The following CSMD1 variants were observed in gnomAD, a reference collection of about 807,000 sequenced individuals.
CSMD1 encodes the protein CUB and Sushi multiple domains 1.
In CSMD1, 213 loss-of-function variants were observed where a neutral mutation model predicts 417.5. That is an observed-to-expected ratio of 0.51 (90% confidence interval 0.46 to 0.57). CSMD1 has a LOEUF of 0.57. CSMD1 is among the 20% of genes least tolerant of loss of function. The pLI, the probability that CSMD1 is intolerant of heterozygous loss-of-function variation, is 0.00. For synonymous variants in CSMD1, 2,862 were observed against 1,736.8 expected, an observed-to-expected ratio of 1.65 and a Z score of -16.11; for missense variants, 6,923 against 4,529.7, an observed-to-expected ratio of 1.53 and a Z score of -15.17.
At chr8:3,160,711 G>A (rs982252067) in intron 38 of CSMD1, among the ~76,000 whole-genome samples, 4 of 152,338 alleles carry the variant, frequency 2.6e-5, no homozygotes, top group Admixed American at 2.6e-4. Context: ...AGCTACAATA[G>A]TTTTCCTATA....
At chr8:4,264,011 G>A (rs1281301678) in intron 3 of CSMD1, among the ~76,000 whole-genome samples, 3 of 152,198 alleles carry the variant, frequency 2.0e-5, no homozygotes, top group Non-Finnish European at 2.9e-5. Context: ...AAATCAGATC[G>A]TTCTTATTGA....
At chr8:4,164,241 G>C (rs1197094573) in intron 3 of CSMD1, among the ~76,000 whole-genome samples, 1 of 151,686 alleles carries the variant, frequency 6.6e-6, no homozygotes, top group African/African-American at 2.4e-5. Context: ...ACAAAAGTTA[G>C]AAAAAAACAA....
chr8:3,675,856 T>C (rs1243289655), intron 7 of CSMD1, among the ~76,000 whole-genome samples: 7 of 152,162 alleles, frequency 4.6e-5, no homozygotes, highest in Non-Finnish European at 8.8e-5. Context: ...TTATGCAAAT[T>C]TTCTAGACTA....
chr8:3,300,958 CAAAA>C (rs374180480), intron 25 of CSMD1, among the ~76,000 whole-genome samples: 1,979 of 50,506 alleles, frequency 0.039, 33 homozygotes, highest in African/African-American at 0.13. Context: ...GACTCTGTCT[CAAAA>C]AAAAAAAAAA....
At chr8:4,778,773 G>C (rs1370351295) in intron 1 of CSMD1, among the ~76,000 whole-genome samples, 2 of 152,300 alleles carry the variant, frequency 1.3e-5, no homozygotes, top group East Asian at 3.9e-4. Context: ...GTTTGTTTAG[G>C]AGAACATAAC....
rs368034168 is a variant in CSMD1, at chr8:4,165,691, T to C, written c.416-133592A>G. On this transcript the variant is annotated intron_variant, in intron 3 of 69. Transcript: ENST00000635120. ...GTGCCGGAATTACAGGCGTGACCCA[T>C]CACACCCGGCCCAAGTATCATTTTT... is the stretch of plus-strand genomic sequence containing the variant. Among the ~76,000 whole-genome samples, 160 of 152,266 alleles carry C rather than the reference T, an allele frequency of 1.1e-3. 1 individual carries two copies. Among genetic ancestry groups the C allele is most frequent in the African/African-American group, 3.7e-3 (153 of 41,568 alleles).
At chr8:3,708,117 G>C (rs1585110123) in intron 7 of CSMD1, among the ~76,000 whole-genome samples, 1 of 152,142 alleles carries the variant, frequency 6.6e-6, no homozygotes, top group East Asian at 1.9e-4. Context: ...AGAGAGACTG[G>C]TATGAAAATG....
chr8:4,183,451 C>G (rs551811504), intron 3 of CSMD1, among the ~76,000 whole-genome samples: 49 of 152,210 alleles, frequency 3.2e-4, no homozygotes, highest in African/African-American at 1.2e-3. Context: ...AATTTTTAGC[C>G]CCTCAATGAC....
At chr8:4,709,827 C>T (rs890084946) in intron 1 of CSMD1, among the ~76,000 whole-genome samples, 4 of 152,064 alleles carry the variant, frequency 2.6e-5, no homozygotes, top group Non-Finnish European at 4.4e-5. Context: ...AGTGTCCAGT[C>T]GTCCCGCAGA....
At chr8:3,537,576 G>T (rs571289696) in intron 10 of CSMD1, among the ~76,000 whole-genome samples, 2 of 152,244 alleles carry the variant, frequency 1.3e-5, no homozygotes, top group African/African-American at 2.4e-5. Flanking sequence ...GTTTGTTTTA[G>T]ATAGCTCTAT....
At chr8:4,111,891 C>A (rs1801876189) in intron 3 of CSMD1, among the ~76,000 whole-genome samples, 2 of 152,134 alleles carry the variant, frequency 1.3e-5, no homozygotes, top group Admixed American at 6.5e-5. Flanking sequence ...TGTAAGAAAC[C>A]TGCACATCCA....
intron 1 of CSMD1, among the ~76,000 whole-genome samples, chr8:4,878,441 G>C (rs183191763): frequency 1.3e-5 from 2 of 152,060 alleles, no homozygotes; most frequent in African/African-American, 4.8e-5. Flanking sequence ...AAATGTCCTT[G>C]TGGGTTTTTT....
At chr8:4,931,006 T>C (rs929115738) in intron 1 of CSMD1, among the ~76,000 whole-genome samples, 8 of 152,174 alleles carry the variant, frequency 5.3e-5, no homozygotes, top group African/African-American at 1.7e-4. Flanking sequence ...ATATGTATTA[T>C]CAATGGGAGA....
intron 2 of CSMD1, among the ~76,000 whole-genome samples, chr8:4,435,245 T>A (rs560705293): frequency 6.6e-6 from 1 of 151,860 alleles, no homozygotes; most frequent in African/African-American, 2.4e-5. Context: ...TTGAAAAAAA[T>A]GTATGTTTTA....
At position 4,246,433 on chromosome 8, in the gene CSMD1, C is replaced by T. The variant is rs555900985; in HGVS notation, c.415+173520G>A. 4.6e-5 allele frequency among the ~76,000 whole-genome samples: 7 copies of T among 152,276 alleles called. No homozygotes were observed. The South Asian group carries it at 8.3e-4, about 18-fold the overall frequency. On this transcript the variant is annotated intron_variant, in intron 3 of 69. Coordinates refer to ENST00000635120, the MANE Select transcript of CSMD1 (RefSeq NM_033225.6). ...CTTAATAAGTTGTAGAGAAAGGGCA[C>T]TCCATTTTCTTCGTATGGTACCTCA...
intron 5 of CSMD1, among the ~76,000 whole-genome samples, chr8:3,956,667 TATG>T (rs1199485618): frequency 6.6e-6 from 1 of 152,192 alleles, no homozygotes; most frequent in Non-Finnish European, 1.5e-5. Context: ...GACTGAAAAT[TATG>T]AGTTACTACC....
chr8:4,350,159 C>A (rs999683876), intron 3 of CSMD1, among the ~76,000 whole-genome samples: 1 of 152,162 alleles, frequency 6.6e-6, no homozygotes, highest in Non-Finnish European at 1.5e-5. Flanking sequence ...TCTTGATGGT[C>A]CTTATTGTTA....
rs56184992 is a variant in CSMD1, at chr8:3,994,447, G to GAAAAAA, written c.818+3450_818+3455dup. ...TAGGCTACACCATCAAATCTCTTCA[G>GAAAAAA]AAAAAAAAAAAAAAAAAAAGAACAC... On this transcript the variant is annotated intron_variant, in intron 5 of 69. Transcript: ENST00000635120. 9.3e-4 allele frequency among the ~76,000 whole-genome samples: 111 copies of GAAAAAA among 118,956 alleles called. 3 individuals are homozygous for GAAAAAA. Among genetic ancestry groups the GAAAAAA allele is most frequent in the Non-Finnish European group, 1.5e-3 (86 of 56,866 alleles). 78.0% of individuals were successfully genotyped at this position (118,956 alleles called of 152,430 possible).
At chr8:4,069,661 C>G (rs1236709908) in intron 3 of CSMD1, among the ~76,000 whole-genome samples, 4 of 152,140 alleles carry the variant, frequency 2.6e-5, no homozygotes, top group Non-Finnish European at 2.9e-5. Flanking sequence ...GCCATGGCTC[C>G]TGTTTCTCCG....
Sources: gnomAD v4.1 joint callset for allele counts (sites outside exome capture counted in the v4.1 genomes callset) on GRCh38, gnomAD v4.1.1 for gene constraint, MANE v1.5 for transcripts, NCBI Gene and HGNC (gene_info 2026-07-23, HGNC 2026-07-21) for gene names.